Variants in NTRK2 observed in about 807,000 individuals in gnomAD.
NTRK2 encodes the protein BDNF/NT-3 growth factors receptor.
A neutral mutation model predicts 94.5 loss-of-function variants in NTRK2; 13 were observed. The ratio of observed to expected loss-of-function variants is 0.14; its 90% CI spans 0.09 to 0.22. The LOEUF is 0.22. Ranked by LOEUF, NTRK2 falls within the 10% of genes least tolerant of loss-of-function variation. NTRK2 has a pLI of 1.00. For missense variants in NTRK2, 639 were observed against 1,071.2 expected, an observed-to-expected ratio of 0.60 and a Z score of 5.63; for synonymous variants, 372 against 407.4, an observed-to-expected ratio of 0.91 and a Z score of 1.05.
At chr9:84,719,262 T>A in intron 6 of NTRK2, among the ~76,000 whole-genome samples, 1 of 152,190 alleles carries the variant, frequency 6.6e-6, no homozygotes, top group East Asian at 1.9e-4. Flanking sequence ...TATACTTCAT[T>A]AATTAAATGA....
Position 84,974,569 on chromosome 9 carries a change from T to A in NTRK2, c.2172+19052T>A, listed in dbSNP as rs1284749223. On this transcript the variant is annotated intron_variant, in intron 17 of 18. Transcript: ENST00000277120. ...AAAAGAAGTAGGACTCAGATTGAAT[T>A]CCTCTCCACATCTCACTTATAAGAG... Among the ~76,000 whole-genome samples the A allele has an allele frequency of 2.0e-5, 3 of 152,344 alleles. No individual in the cohort carries two copies. The East Asian group carries it at 5.8e-4, about 29-fold the overall frequency.
chr9:84,800,092 G>A (rs2070212606), intron 12 of NTRK2, among the ~76,000 whole-genome samples: 1 of 152,230 alleles, frequency 6.6e-6, no homozygotes, highest in African/African-American at 2.4e-5. Context: ...CACTGTCTCA[G>A]AAGCAAGCCT....
At chr9:84,909,539 A>G (rs1035668445) in intron 14 of NTRK2, among the ~76,000 whole-genome samples, 1 of 151,734 alleles carries the variant, frequency 6.6e-6, no homozygotes, top group African/African-American at 2.4e-5. Flanking sequence ...ACCCTTTAAC[A>G]TTTCCACCAG....
intron 12 of NTRK2, among the ~76,000 whole-genome samples, chr9:84,856,611 G>C (rs1335670226): frequency 6.6e-6 from 1 of 152,146 alleles, no homozygotes; most frequent in African/African-American, 2.4e-5. Context: ...CTGAAGCAAA[G>C]CAGCCCGGGG....
At position 84,843,543 on chromosome 9, in the gene NTRK2, T is replaced by C. The variant is rs1031018969; in HGVS notation, c.1397-17497T>C. 7.2e-5 allele frequency among the ~76,000 whole-genome samples: 11 copies of C among 152,308 alleles called. No homozygotes were observed. In the East Asian group the frequency reaches 1.9e-3, roughly 27 times the overall value. ...CTTTTTACCAGGGAAAGTTGCATTT[T>C]CCCTGGAGATTTTTGAGGGCAGTGT... On this transcript the variant is annotated intron_variant, in intron 12 of 18. Transcript: ENST00000277120.
At chr9:84,930,357 G>A (rs773236365) in intron 14 of NTRK2, among the ~76,000 whole-genome samples, 3 of 152,154 alleles carry the variant, frequency 2.0e-5, no homozygotes, top group Non-Finnish European at 2.9e-5. Flanking sequence ...GGGTGGAGAG[G>A]GAAAATGTGG....
At chr9:84,729,746 A>G (rs1261788070) in intron 9 of NTRK2, among the ~76,000 whole-genome samples, 1 of 152,212 alleles carries the variant, frequency 6.6e-6, no homozygotes, top group African/African-American at 2.4e-5. Context: ...TCTTGGGGGC[A>G]AAACTTGATT....
At chr9:84,876,538 A>T (rs574466752) in intron 14 of NTRK2, 1 of 1,055,966 alleles carries the variant, frequency 9.5e-7, no homozygotes, top group South Asian at 4.6e-5. Context: ...TCATGTTCTT[A>T]CCTTCTATTA....
At chr9:84,836,600 T>C (rs536243448) in intron 12 of NTRK2, among the ~76,000 whole-genome samples, 11 of 147,198 alleles carry the variant, frequency 7.5e-5, no homozygotes, top group African/African-American at 2.8e-4. Flanking sequence ...TAATCTAATA[T>C]TATCATCTAG....
rs1187114163 is a variant in NTRK2, at chr9:84,715,943, T to C, written c.583+5152T>C. 2.6e-5 allele frequency among the ~76,000 whole-genome samples: 4 copies of C among 152,196 alleles called. No homozygotes were observed. The East Asian group carries it at 5.8e-4, about 22-fold the overall frequency. On this transcript the variant is annotated intron_variant, in intron 6 of 18. Coordinates refer to ENST00000277120, the MANE Select transcript of NTRK2 (RefSeq NM_006180.6). ...TACTATCATTATTATTTAAATCTTA[T>C]CTGAGAGCTTCTTCAGCAAGTGTTA...
intron 17 of NTRK2, among the ~76,000 whole-genome samples, chr9:85,012,782 G>A (rs938213282): frequency 6.6e-6 from 1 of 152,068 alleles, no homozygotes; most frequent in African/African-American, 2.4e-5. Context: ...CTAGAATCCA[G>A]GTGTCAGGAG....
chr9:84,797,860 TATA>T (rs1475261066), intron 12 of NTRK2, among the ~76,000 whole-genome samples: 9 of 101,326 alleles, frequency 8.9e-5, no homozygotes, highest in Middle Eastern at 4.3e-3. Context: ...TTATATATAC[TATA>T]ATAATATATA....
intron 12 of NTRK2, among the ~76,000 whole-genome samples, chr9:84,840,710 T>C (rs1446500772): frequency 1.3e-5 from 2 of 152,136 alleles, no homozygotes; most frequent in Non-Finnish European, 2.9e-5. Flanking sequence ...TAGCGCGCTG[T>C]TCTCCTTTGC....
chr9:84,984,939 T>A (rs984532854), intron 17 of NTRK2, among the ~76,000 whole-genome samples: 1 of 152,224 alleles, frequency 6.6e-6, no homozygotes, highest in East Asian at 1.9e-4. Flanking sequence ...TATTAACATA[T>A]AAAACAGTGA....
chr9:84,933,755 A>G (rs1208430278), intron 14 of NTRK2, among the ~76,000 whole-genome samples: 1 of 152,184 alleles, frequency 6.6e-6, no homozygotes, highest in East Asian at 1.9e-4. Context: ...GGCTTAACCA[A>G]TAATTCAGGA....
intron 2 of NTRK2, among the ~76,000 whole-genome samples, chr9:84,694,350 C>G (rs948948404): frequency 6.6e-6 from 1 of 152,238 alleles, no homozygotes; most frequent in Non-Finnish European, 1.5e-5. Flanking sequence ...GAGGGAGTTA[C>G]TGGTGCTACT....
At chr9:84,683,845 G>A (rs186671079) in intron 2 of NTRK2, among the ~76,000 whole-genome samples, 2 of 152,264 alleles carry the variant, frequency 1.3e-5, no homozygotes, top group East Asian at 3.9e-4. Flanking sequence ...AGCCTTGCCA[G>A]CATCTATTGC....
chr9:85,002,279 A>G (rs541790659), intron 17 of NTRK2, among the ~76,000 whole-genome samples: 2 of 152,314 alleles, frequency 1.3e-5, no homozygotes, highest in African/African-American at 4.8e-5. Flanking sequence ...GAGGATGACT[A>G]TCAGAATGAG....
chr9:85,010,814 G>A (rs1223834845), intron 17 of NTRK2, among the ~76,000 whole-genome samples: 1 of 152,184 alleles, frequency 6.6e-6, no homozygotes. Flanking sequence ...CTCCCCATTA[G>A]AGCCAAATGT....
Sources: allele counts gnomAD v4.1 joint callset (sites outside exome capture counted in the v4.1 genomes callset), GRCh38; gene constraint gnomAD v4.1.1; transcripts MANE v1.5; gene names NCBI Gene and HGNC (gene_info 2026-07-23, HGNC 2026-07-21).